The following ZNF407 variants were observed in gnomAD, a reference collection of about 807,000 sequenced individuals.
ZNF407 encodes the protein zinc finger protein 407.
In ZNF407, 17 loss-of-function variants were observed where a neutral mutation model predicts 131.2. The observed-to-expected ratio is 0.13, with a 90% CI of 0.09 to 0.19. The LOEUF (loss-of-function observed/expected upper bound fraction) is 0.19, where lower values mean the gene tolerates loss of function less well. Ranked by LOEUF, ZNF407 falls within the 10% of genes least tolerant of loss-of-function variation. ZNF407 has a pLI of 1.00. For missense variants in ZNF407, 2,681 were observed against 2,830.6 expected, an observed-to-expected ratio of 0.95 and a Z score of 1.20; for synonymous variants, 1,156 against 1,062.0, an observed-to-expected ratio of 1.09 and a Z score of -1.72.
Position 74,632,615 on chromosome 18 carries a change from C to G in ZNF407, c.1596C>G (p.Asp532Glu). Residue 532 changes from aspartate (D) to glutamate (E), a missense_variant, in exon 2 of 9, where the codon GAC becomes GAG. By Grantham distance (45) the Asp-to-Glu change is conservative. Transcript: ENST00000299687. ...CTCAGACGTTGTGTGCTTGTACAGA[C>G]TGTGGGCAAGTAGCTACAAATAGGA... ...SGSQTLCACT[D>E]CGQVATNRTD... The G allele has an allele frequency of 6.2e-7, 1 of 1,614,056 alleles. No individual in the cohort carries two copies. Among genetic ancestry groups the G allele is most frequent in the Non-Finnish European group, 8.5e-7 (1 of 1,179,906 alleles).
chr18:75,053,198 C>T (rs1299524216), intron 8 of ZNF407, among the ~76,000 whole-genome samples: 1 of 152,164 alleles, frequency 6.6e-6, no homozygotes, highest in Non-Finnish European at 1.5e-5. Context: ...GCACTGTTCC[C>T]TCTAGACACA....
intron 3 of ZNF407, among the ~76,000 whole-genome samples, chr18:74,701,866 C>T (rs907826443): frequency 5.3e-5 from 8 of 152,034 alleles, no homozygotes; most frequent in South Asian, 2.1e-4. Flanking sequence ...TTTAGGAAAT[C>T]GATTTCATAA....
At chr18:74,784,236 T>A (rs2145035299) in intron 4 of ZNF407, among the ~76,000 whole-genome samples, 1 of 152,332 alleles carries the variant, frequency 6.6e-6, no homozygotes, top group African/African-American at 2.4e-5. Flanking sequence ...TAATCAGTTT[T>A]AAAAAATGTT....
rs752581906 is a variant in ZNF407, at chr18:74,634,699, G to T, written c.3680G>T (p.Arg1227Leu). The part of the protein sequence containing the change: ...HEISNDAGEL[R>L]VHCEGEGGNA... ...ATATCGAATGATGCAGGTGAGCTGC[G>T]TGTCCATTGTGAGGGTGAAGGAGGA... Residue 1227 changes from arginine to leucine, a missense_variant, in exon 2 of 9, where the codon CGT becomes CTT. By Grantham distance (102) the Arg-to-Leu change is moderately radical (BLOSUM62 -2). Coordinates refer to ENST00000299687, the MANE Select transcript of ZNF407 (RefSeq NM_017757.3). 5.6e-6 allele frequency: 9 copies of T among 1,613,946 alleles called. No individual in the cohort carries two copies. The highest frequency in any genetic ancestry group is 1.6e-4 in the Middle Eastern group (1 of 6,084).
chr18:75,045,207 A>G (rs557416968), intron 8 of ZNF407, among the ~76,000 whole-genome samples: 10 of 152,274 alleles, frequency 6.6e-5, no homozygotes, highest in Admixed American at 5.9e-4. Flanking sequence ...AAATGTGCAG[A>G]TGTGATCGTC....
chr18:74,688,077 T>C (rs1278822831), intron 3 of ZNF407, among the ~76,000 whole-genome samples: 4 of 152,242 alleles, frequency 2.6e-5, no homozygotes, highest in African/African-American at 4.8e-5. Flanking sequence ...GCTAGTTTTC[T>C]TTAGAACACT....
At chr18:74,746,864 C>A (rs906349654) in intron 3 of ZNF407, among the ~76,000 whole-genome samples, 1 of 151,744 alleles carries the variant, frequency 6.6e-6, no homozygotes, top group African/African-American at 2.4e-5. Flanking sequence ...ATTTATAAGC[C>A]GGTAACATAG....
chr18:74,711,956 C>T (rs530297914), intron 3 of ZNF407, among the ~76,000 whole-genome samples: 3 of 152,286 alleles, frequency 2.0e-5, no homozygotes, highest in East Asian at 3.9e-4. Context: ...GTGACCCACC[C>T]GCCTCGGCCT....
chr18:74,607,982 A>G (rs889739136), intron 1 of ZNF407, among the ~76,000 whole-genome samples: 3 of 152,246 alleles, frequency 2.0e-5, no homozygotes, highest in African/African-American at 7.2e-5. Context: ...TTTTTAGCAC[A>G]GAAGTTAGAG....
At chr18:74,705,547 A>G (rs1478375538) in intron 3 of ZNF407, among the ~76,000 whole-genome samples, 1 of 152,216 alleles carries the variant, frequency 6.6e-6, no homozygotes, top group Non-Finnish European at 1.5e-5. Context: ...ATGAATATGT[A>G]TTGGTAGATT....
chr18:74,914,044 T>C (rs1971712123), intron 7 of ZNF407, among the ~76,000 whole-genome samples: 1 of 152,168 alleles, frequency 6.6e-6, no homozygotes, highest in Admixed American at 6.5e-5. Flanking sequence ...TTTCAACATG[T>C]TATATTCCAA....
At chr18:75,021,233 A>C (rs1973106069) in intron 8 of ZNF407, among the ~76,000 whole-genome samples, 1 of 151,900 alleles carries the variant, frequency 6.6e-6, no homozygotes, top group South Asian at 2.1e-4. Context: ...ATGTATTTAT[A>C]TTTGTGTGTT....
At chr18:74,676,769 G>A (rs570817848) in intron 3 of ZNF407, among the ~76,000 whole-genome samples, 9 of 152,254 alleles carry the variant, frequency 5.9e-5, no homozygotes, top group African/African-American at 2.2e-4. Flanking sequence ...CTATGTCTTT[G>A]GGGTATTTTT....
At chr18:74,768,928 A>G (rs17055524) in intron 3 of ZNF407, among the ~76,000 whole-genome samples, 95,726 of 151,992 alleles carry the variant, frequency 0.63, 32,582 homozygotes, top group East Asian at 0.88. Context: ...AGCCAGTGCA[A>G]TGCTACAGTG....
rs193049903 is a variant in ZNF407 at position 75,025,178 on chromosome 18, G to A, written c.5429-37972G>A. 3.3e-5 allele frequency among the ~76,000 whole-genome samples: 5 copies of A among 152,228 alleles called. No individual in the cohort carries two copies. In the East Asian group the frequency reaches 9.7e-4, roughly 29 times the overall value. On this transcript the variant is annotated intron_variant, in intron 8 of 8. Transcript: ENST00000299687. ...AATGCACAAATTAACACTTTAAAAT[G>A]CACCACAATATGTACAGCTTGGCAA...
intron 1 of ZNF407, among the ~76,000 whole-genome samples, chr18:74,620,450 ATTGT>A (rs1661787552): frequency 6.6e-6 from 1 of 152,140 alleles, no homozygotes; most frequent in African/African-American, 2.4e-5. Flanking sequence ...ACTTCTGGTG[ATTGT>A]TTAGCTCTCA....
intron 7 of ZNF407, among the ~76,000 whole-genome samples, chr18:74,901,019 A>G (rs1385561348): frequency 1.1e-4 from 16 of 152,146 alleles, no homozygotes; most frequent in Non-Finnish European, 2.1e-4. Flanking sequence ...TGTGTGTATA[A>G]TGTGAACAGG....
intron 4 of ZNF407, among the ~76,000 whole-genome samples, chr18:74,826,753 CAGTGAT>C (rs1359243186): frequency 6.6e-6 from 1 of 152,168 alleles, no homozygotes; most frequent in Non-Finnish European, 1.5e-5. Context: ...TATCAGTAAG[CAGTGAT>C]GTCATCTTCA....
intron 3 of ZNF407, among the ~76,000 whole-genome samples, chr18:74,768,998 C>T (rs1276712288): frequency 6.6e-6 from 1 of 152,090 alleles, no homozygotes; most frequent in Non-Finnish European, 1.5e-5. Flanking sequence ...TCATGGTCAT[C>T]GTCGTCATTG....
Sources: gnomAD v4.1 joint callset for allele counts (sites outside exome capture counted in the v4.1 genomes callset) on GRCh38, gnomAD v4.1.1 for gene constraint, MANE v1.5 for transcripts, NCBI Gene and HGNC (gene_info 2026-07-23, HGNC 2026-07-21) for gene names.